The following MIPOL1 variants were observed in gnomAD, a reference collection of about 807,000 sequenced individuals.
MIPOL1 encodes mirror-image polydactyly gene 1 protein.
A neutral mutation model predicts 60.9 loss-of-function variants in MIPOL1; 57 were observed. That is an observed-to-expected ratio of 0.94 (90% confidence interval 0.76 to 1.17). The LOEUF is 1.17. MIPOL1 is among the 50% of genes most tolerant of loss of function. The pLI is 0.00. For missense variants in MIPOL1, 551 were observed against 511.6 expected (o/e 1.08, Z -0.74); for synonymous variants, 179 against 168.8 (o/e 1.06, Z -0.47).
At chr14:37,476,895 CTTTTTTTTTTTTTTT>C (rs869027204) in intron 11 of MIPOL1, among the ~76,000 whole-genome samples, 1 of 87,334 alleles carries the variant, frequency 1.1e-5, no homozygotes, top group Non-Finnish European at 2.1e-5. Flanking sequence ...CTTGTAATGT[CTTTTTTTTTTTTTTT>C]TTTTTTTTGA....
At chr14:37,216,189 A>T (rs764375309) in intron 1 of MIPOL1, among the ~76,000 whole-genome samples, 1 of 152,188 alleles carries the variant, frequency 6.6e-6, no homozygotes, top group Non-Finnish European at 1.5e-5. Context: ...AAAAGAGACA[A>T]TGTCACTATA....
At chr14:37,465,720 C>T (rs1047940016) in intron 11 of MIPOL1, among the ~76,000 whole-genome samples, 1 of 151,994 alleles carries the variant, frequency 6.6e-6, no homozygotes, top group African/African-American at 2.4e-5. Context: ...ATTCCCACCT[C>T]GTAAGTCAGT....
At chr14:37,355,032 G>C (rs564555301) in intron 9 of MIPOL1, among the ~76,000 whole-genome samples, 1 of 136,644 alleles carries the variant, frequency 7.3e-6, no homozygotes, top group South Asian at 2.6e-4. Flanking sequence ...GCATGATTTT[G>C]CAGCGGCTGG....
At chr14:37,487,314 T>C (rs1379404040) in intron 11 of MIPOL1, among the ~76,000 whole-genome samples, 1 of 152,222 alleles carries the variant, frequency 6.6e-6, no homozygotes, top group African/African-American at 2.4e-5. Flanking sequence ...TTTGTTTGTC[T>C]CTGCCACGTT....
intron 6 of MIPOL1, among the ~76,000 whole-genome samples, chr14:37,275,248 T>A (rs182491757): frequency 6.6e-6 from 1 of 151,364 alleles, no homozygotes; most frequent in Admixed American, 6.6e-5. Context: ...GACTTTTTAC[T>A]GAGTTTTAGC....
At chr14:37,450,988 C>T (rs2094408839) in intron 11 of MIPOL1, among the ~76,000 whole-genome samples, 1 of 152,046 alleles carries the variant, frequency 6.6e-6, no homozygotes, top group African/African-American at 2.4e-5. Context: ...TCTGTATTCA[C>T]TTAAAAATTT....
intron 9 of MIPOL1, among the ~76,000 whole-genome samples, chr14:37,335,257 G>A (rs982912159): frequency 1.3e-5 from 2 of 151,640 alleles, no homozygotes; most frequent in African/African-American, 2.4e-5. Context: ...TAAAAATTGT[G>A]GTAAATATAC....
At chr14:37,521,893 A>AATATAT (rs1555367649) in intron 12 of MIPOL1, among the ~76,000 whole-genome samples, 85 of 123,562 alleles carry the variant, frequency 6.9e-4, no homozygotes, top group African/African-American at 2.4e-3. Flanking sequence ...AAGAAAAAAA[A>AATATAT]ATATATATAT....
chr14:37,198,181 C>T (rs1029644512), intron 1 of MIPOL1, 77 bp downstream of exon 1: 1 of 152,376 alleles, frequency 6.6e-6, no homozygotes, highest in Admixed American at 6.5e-5. Flanking sequence ...AGTTTTCGGC[C>T]GCAGACTTTT....
intron 1 of MIPOL1, among the ~76,000 whole-genome samples, chr14:37,216,037 TG>T (rs1967614304): frequency 7.6e-6 from 1 of 132,190 alleles, no homozygotes. Context: ...CACTCCAGCC[TG>T]GGTGACAGAG....
intron 11 of MIPOL1, among the ~76,000 whole-genome samples, chr14:37,459,440 C>T (rs1044189853): frequency 3.3e-5 from 5 of 152,078 alleles, no homozygotes; most frequent in African/African-American, 1.2e-4. Context: ...TTCCTGGAAA[C>T]ATACAACCTC....
rs1038921452 is a variant in MIPOL1 at position 37,487,864 on chromosome 14, C to A, written c.1032-12044C>A. On this transcript the variant is annotated intron_variant, in intron 11 of 12. Transcript: ENST00000684589. Reference sequence around the variant, plus strand: ...CTGCTCTGATCTTAGTTATTTCTTGCCTTGTGCTGTCTTTTGAATTTGTTT... The same window carrying A: ...CTGCTCTGATCTTAGTTATTTCTTGACTTGTGCTGTCTTTTGAATTTGTTT... Among the ~76,000 whole-genome samples the A allele has an allele frequency of 8.5e-5, 13 of 152,086 alleles. No individual in the cohort carries two copies. The South Asian group carries it at 2.3e-3, about 27-fold the overall frequency.
intron 9 of MIPOL1, among the ~76,000 whole-genome samples, chr14:37,353,229 A>G (rs1488389586): frequency 1.4e-5 from 2 of 144,626 alleles, no homozygotes; most frequent in African/African-American, 5.2e-5. Flanking sequence ...TGTATATTGA[A>G]CCAGCCTTGC....
At chr14:37,332,693 G>A (rs1256449251) in intron 9 of MIPOL1, among the ~76,000 whole-genome samples, 3 of 8,316 alleles carry the variant, frequency 3.6e-4, no homozygotes, top group Non-Finnish European at 1.3e-3. Context: ...TATCCGAAAT[G>A]GCAGGCAATT....
chr14:37,444,111 GA>G (rs1179448123), intron 11 of MIPOL1, among the ~76,000 whole-genome samples: 1 of 152,044 alleles, frequency 6.6e-6, no homozygotes, highest in African/African-American at 2.4e-5. Context: ...TTAAAAATTG[GA>G]AAAATAAAAC....
At chr14:37,336,871 C>T (rs936077696) in intron 9 of MIPOL1, among the ~76,000 whole-genome samples, 2 of 152,036 alleles carry the variant, frequency 1.3e-5, no homozygotes, top group African/African-American at 2.4e-5. Context: ...ATCGATTCTC[C>T]TGCCTCAGCC....
At chr14:37,419,225 T>C (rs1382830563) in intron 10 of MIPOL1, among the ~76,000 whole-genome samples, 1 of 152,154 alleles carries the variant, frequency 6.6e-6, no homozygotes, top group Non-Finnish European at 1.5e-5. Flanking sequence ...AAATTATGTT[T>C]AGGTAAAAGA....
chr14:37,521,666 CTGAT>C (rs1209061308), intron 12 of MIPOL1, among the ~76,000 whole-genome samples: 1 of 152,046 alleles, frequency 6.6e-6, no homozygotes, highest in Non-Finnish European at 1.5e-5. Context: ...ACTCAGTCAG[CTGAT>C]TGAGTCATGA....
At chr14:37,475,201 G>A (rs1471638930) in intron 11 of MIPOL1, among the ~76,000 whole-genome samples, 1 of 152,108 alleles carries the variant, frequency 6.6e-6, no homozygotes, top group Non-Finnish European at 1.5e-5. Flanking sequence ...CTGACCTCAA[G>A]TGGTCCACCC....
Sources: gnomAD v4.1 joint callset for allele counts (sites outside exome capture counted in the v4.1 genomes callset) on GRCh38, gnomAD v4.1.1 for gene constraint, MANE v1.5 for transcripts, NCBI Gene and HGNC (gene_info 2026-07-23, HGNC 2026-07-21) for gene names.